The following SMC5 variants were observed in gnomAD, a reference collection of about 807,000 sequenced individuals.
The protein encoded by SMC5 is structural maintenance of chromosomes 5, also known as structural maintenance of chromosomes protein 5.
SMC5 carries 88 observed loss-of-function variants against 148.3 expected under a neutral mutation model. That is an observed-to-expected ratio of 0.59 (90% confidence interval 0.50 to 0.71). SMC5 has a LOEUF of 0.71. Ranked by LOEUF, SMC5 falls within the 30% of genes least tolerant of loss-of-function variation. The pLI is 0.00. For synonymous variants in SMC5, 421 were observed against 432.8 expected (o/e 0.97, Z 0.34); for missense variants, 1,142 against 1,298.9 (o/e 0.88, Z 1.86).
chr9:70,299,835 A>G (rs2035311154), intron 9 of SMC5, among the ~76,000 whole-genome samples: 1 of 150,744 alleles, frequency 6.6e-6, no homozygotes, highest in African/African-American at 2.4e-5. Flanking sequence ...CCTGTTTTTT[A>G]TATTTGATAG....
At chr9:70,315,391 G>C in intron 12 of SMC5, 55 bp from the exon 13 acceptor site, 1 of 1,351,020 alleles carries the variant, frequency 7.4e-7, no homozygotes, top group South Asian at 1.6e-5. Flanking sequence ...TCAACTCCCA[G>C]ATTTTTTTAA....
At chr9:70,293,458 C>G (rs68171482) in intron 8 of SMC5, among the ~76,000 whole-genome samples, 21,592 of 150,528 alleles carry the variant, frequency 0.14, 1,772 homozygotes, top group African/African-American at 0.22. Flanking sequence ...TCATTGATGT[C>G]TGTTCTTATC....
chr9:70,346,612 C>T lies in SMC5; in HGVS notation c.2531C>T (p.Pro844Leu), dbSNP rs1275650544. ...CCCATTCTACCAATTCAGCAAGTAC[C>T]CACCATTCCAAATGGACACAACTCC... Reference protein sequence around the residue: ...TLPQEYQTQVPTIPNGHNSSL... With the variant: ...TLPQEYQTQVLTIPNGHNSSL... Residue 844 changes from proline (P) to leucine (L), a missense_variant, in exon 19 of 25, where the codon CCC (proline) becomes CTC (leucine). Around this residue, in one of 5 missense-constraint regions of SMC5, gnomAD observed 743 missense variants for 835.7 expected, o/e 0.89. Transcript: ENST00000361138. 3.1e-6 allele frequency: 5 copies of T among 1,613,976 alleles called. No individual in the cohort carries two copies. The highest frequency in any genetic ancestry group is 4.2e-6 in the Non-Finnish European group (5 of 1,179,918).
intron 11 of SMC5, among the ~76,000 whole-genome samples, chr9:70,308,869 A>G (rs1344632652): frequency 6.6e-6 from 1 of 152,118 alleles, no homozygotes; most frequent in Non-Finnish European, 1.5e-5. Flanking sequence ...ATCCTGTGAC[A>G]CTATTGAATT....
chr9:70,333,394 C>T (rs918615706), intron 17 of SMC5, among the ~76,000 whole-genome samples: 5 of 152,106 alleles, frequency 3.3e-5, no homozygotes, highest in Admixed American at 6.5e-5. Flanking sequence ...GGCTTGAGCT[C>T]GCAAGGTCAA....
At position 70,352,721 on chromosome 9, in the gene SMC5, A is replaced by C; in HGVS notation, c.*390A>C. On this transcript the variant is annotated 3_prime_UTR_variant, in exon 25 of 25. Coordinates refer to ENST00000361138, the MANE Select transcript of SMC5 (RefSeq NM_015110.4). The stretch of plus-strand genomic sequence containing the variant: ...ACTTTTAGAGCCTAAAGATGACTCT[A>C]GAGCCTAAGTCCTAGTTTCTCCCAA... The C allele has an allele frequency of 6.3e-6, 1 of 159,754 alleles. No individual in the cohort carries two copies. The highest frequency in any genetic ancestry group is 6.2e-5 in the Admixed American group (1 of 16,178). The allele number at this position is 159,754 out of a possible 1,614,324, so 9.9% of individuals were successfully genotyped here.
chr9:70,330,513 A>G (rs2118709085), intron 17 of SMC5, among the ~76,000 whole-genome samples: 1 of 151,894 alleles, frequency 6.6e-6, no homozygotes, highest in East Asian at 1.9e-4. Flanking sequence ...AGCACTGTCC[A>G]GTAGAAATAC....
chr9:70,327,355 C>T (rs1461310480), intron 17 of SMC5, among the ~76,000 whole-genome samples: 2 of 152,252 alleles, frequency 1.3e-5, no homozygotes, highest in East Asian at 1.9e-4. Flanking sequence ...TAGATAGAAA[C>T]TTATCAAAAA....
chr9:70,299,635 T>G (rs541447199), intron 9 of SMC5, among the ~76,000 whole-genome samples: 1 of 151,984 alleles, frequency 6.6e-6, no homozygotes, highest in Admixed American at 6.5e-5. Flanking sequence ...TTTGCACCCT[T>G]TAAAATATTC....
chr9:70,341,316 A>C (rs2036516457), intron 17 of SMC5, among the ~76,000 whole-genome samples: 1 of 152,194 alleles, frequency 6.6e-6, no homozygotes, highest in African/African-American at 2.4e-5. Context: ...CAACTCATTG[A>C]TACTTCTTTT....
chr9:70,291,086 T>A (rs2118296501), intron 8 of SMC5, among the ~76,000 whole-genome samples: 1 of 151,950 alleles, frequency 6.6e-6, no homozygotes, highest in East Asian at 1.9e-4. Flanking sequence ...TGTTGCTGTT[T>A]CATTGAATAT....
intron 18 of SMC5, 86 bp from the exon 19 acceptor site, chr9:70,346,519 T>A (rs2036670518): frequency 7.7e-7 from 1 of 1,303,250 alleles, no homozygotes; most frequent in South Asian, 1.3e-5. Flanking sequence ...GATGCTTTTT[T>A]AGTTCTTCAT....
chr9:70,349,190 C>G (rs2036744166), intron 22 of SMC5, among the ~76,000 whole-genome samples: 1 of 152,198 alleles, frequency 6.6e-6, no homozygotes, highest in Non-Finnish European at 1.5e-5. Flanking sequence ...CTTCAGACTC[C>G]CAAGTAGCTG....
chr9:70,267,907 CTTT>C lies in SMC5; in HGVS notation c.328-12_328-10del. ...AATGTCACTACACAGCTCACTTTTT[CTTT>C]TTTATGTCTTAGGTTGGGTTTTTTG... On this transcript the variant is annotated splice_polypyrimidine_tract_variant and intron_variant, in intron 2 of 24. Transcript: ENST00000361138. 6.2e-7 allele frequency: 1 copy of C among 1,604,076 alleles called. No homozygotes were observed. Among genetic ancestry groups the C allele is most frequent in the Non-Finnish European group, 8.5e-7 (1 of 1,175,540 alleles).
chr9:70,335,786 G>A (rs1347968836), intron 17 of SMC5, among the ~76,000 whole-genome samples: 13 of 152,040 alleles, frequency 8.6e-5, no homozygotes, highest in Admixed American at 8.5e-4. Context: ...TGCAGTTTAT[G>A]ATTCCTTGGT....
At position 70,314,914 on chromosome 9, in the gene SMC5, A is replaced by T. The variant is rs1290805691; in HGVS notation, c.1673+78A>T. 3 of 944,466 alleles carry T rather than the reference A, an allele frequency of 3.2e-6. No homozygotes were observed. In the African/African-American group the frequency reaches 5.1e-5, roughly 16 times the overall value. The allele number at this position is 944,466 out of a possible 1,614,324, so 58.5% of individuals were successfully genotyped here. A position where few individuals can be genotyped will look rare whatever the true frequency, so the allele number is the denominator to read the frequency against. On this transcript the variant is annotated intron_variant, in intron 12 of 24. Coordinates refer to ENST00000361138, the MANE Select transcript of SMC5 (RefSeq NM_015110.4). ...ATTGTTACATAAATAAGCTATTACA[A>T]GCTGTATTATTTCCTTTTAAGATCT...
chr9:70,277,273 T>C, intron 3 of SMC5, 37 bp from the exon 4 acceptor site: 1 of 1,381,794 alleles, frequency 7.2e-7, no homozygotes, highest in Non-Finnish European at 9.5e-7. Context: ...ATGTATATAT[T>C]TTGAATATAA....
At chr9:70,277,179 T>A (rs2034615875) in intron 3 of SMC5, 131 bp from the exon 4 acceptor site, 1 of 706,856 alleles carries the variant, frequency 1.4e-6, no homozygotes, top group African/African-American at 1.9e-5. Flanking sequence ...GGGGCCAAAA[T>A]ATCAAAAGGA....
At chr9:70,309,358 G>T (rs1331221002) in intron 11 of SMC5, among the ~76,000 whole-genome samples, 5 of 106,716 alleles carry the variant, frequency 4.7e-5, no homozygotes, top group Admixed American at 1.3e-4. Context: ...TTGGGGACAG[G>T]GTCTTCCTCT....
Sources: allele counts gnomAD v4.1 joint callset (sites outside exome capture counted in the v4.1 genomes callset), GRCh38; gene constraint gnomAD v4.1.1; regional missense constraint gnomAD v4.1.1; transcripts MANE v1.5; gene names NCBI Gene and HGNC (gene_info 2026-07-23, HGNC 2026-07-21).